SLIT2: variants seen among roughly 807,000 people sequenced by gnomAD.
SLIT2 encodes the protein slit guidance ligand 2, also known as slit homolog 2 protein.
A neutral mutation model predicts 185.7 loss-of-function variants in SLIT2; 41 were observed. The ratio of observed to expected loss-of-function variants is 0.22; its 90% CI spans 0.17 to 0.29. SLIT2 has a LOEUF of 0.29. Among genes scored for constraint, SLIT2 ranks in the 10% least tolerant of loss-of-function variants. The pLI is 1.00. For missense variants in SLIT2, 1,571 were observed against 1,909.0 expected, an observed-to-expected ratio of 0.82 and a Z score of 3.30; for synonymous variants, 693 against 680.2, an observed-to-expected ratio of 1.02 and a Z score of -0.29.
chr4:20,310,227 A>AGGT (rs1252322797), intron 4 of SLIT2, among the ~76,000 whole-genome samples: 2 of 152,084 alleles, frequency 1.3e-5, no homozygotes, highest in African/African-American at 4.8e-5. Context: ...GCTAATTTTC[A>AGGT]GGTTTTTAAC....
intron 4 of SLIT2, among the ~76,000 whole-genome samples, chr4:20,417,782 T>G (rs1449173216): frequency 6.6e-6 from 1 of 151,856 alleles, no homozygotes; most frequent in African/African-American, 2.4e-5. Context: ...CCTCCCAAAG[T>G]GCTGGGATTA....
chr4:20,358,517 G>T lies in SLIT2; in HGVS notation c.395+89636G>T, dbSNP rs937355259. 6.6e-5 allele frequency among the ~76,000 whole-genome samples: 10 copies of T among 152,056 alleles called. No homozygotes were observed. The East Asian group carries it at 1.9e-3, about 29-fold the overall frequency. On this transcript the variant is annotated intron_variant, in intron 4 of 36. Transcript: ENST00000504154. ...ATAAGCTTAAAATGGTTATTTTGAA[G>T]AAATTTTCAAGAAAAATATTAAGGA...
At position 20,572,062 on chromosome 4, in the gene SLIT2, A is replaced by G. The variant is rs573962193; in HGVS notation, c.3088+3058A>G. 3.9e-5 allele frequency among the ~76,000 whole-genome samples: 6 copies of G among 152,334 alleles called. No individual in the cohort carries two copies. In the East Asian group the frequency reaches 9.7e-4, roughly 25 times the overall value. On this transcript the variant is annotated intron_variant, in intron 29 of 36. Coordinates refer to ENST00000504154, the MANE Select transcript of SLIT2 (RefSeq NM_004787.4). The stretch of plus-strand genomic sequence containing the variant: ...ATTTATTAAACATTGTTTAAGCCCT[A>G]TGTGACCAAAATATCACAGTAAGTA...
At chr4:20,341,220 G>A (rs1197378772) in intron 4 of SLIT2, among the ~76,000 whole-genome samples, 1 of 152,190 alleles carries the variant, frequency 6.6e-6, no homozygotes, top group Non-Finnish European at 1.5e-5. Flanking sequence ...ATAGACTTTA[G>A]CAAAGGAGAG....
intron 4 of SLIT2, among the ~76,000 whole-genome samples, chr4:20,272,346 A>G (rs900390556): frequency 3.9e-5 from 6 of 152,072 alleles, no homozygotes; most frequent in African/African-American, 1.4e-4. Flanking sequence ...TCCTCCTCCA[A>G]AATCAAGGTT....
At chr4:20,618,432 T>G (rs1012206734) in intron 36 of SLIT2, among the ~76,000 whole-genome samples, 6 of 152,236 alleles carry the variant, frequency 3.9e-5, no homozygotes, top group Non-Finnish European at 8.8e-5. Flanking sequence ...AACTGCTCCC[T>G]GTGGTAAACA....
intron 12 of SLIT2, 42 bp downstream of exon 12, chr4:20,519,495 T>A (rs373003451): frequency 7.3e-5 from 84 of 1,143,344 alleles, no homozygotes; most frequent in Non-Finnish European, 9.9e-5. Context: ...CCTAATAATA[T>A]ATATTAGCCA....
At chr4:20,503,508 A>G (rs1577801395) in intron 9 of SLIT2, among the ~76,000 whole-genome samples, 1 of 152,028 alleles carries the variant, frequency 6.6e-6, no homozygotes, top group Non-Finnish European at 1.5e-5. Context: ...TGAAAACATA[A>G]TGATAGTGAC....
At chr4:20,494,727 G>T (rs942257705) in intron 9 of SLIT2, among the ~76,000 whole-genome samples, 1 of 150,758 alleles carries the variant, frequency 6.6e-6, no homozygotes, top group South Asian at 2.1e-4. Flanking sequence ...GTAGTGAGCC[G>T]AGATAGCGCC....
intron 9 of SLIT2, among the ~76,000 whole-genome samples, chr4:20,507,789 C>T (rs1719342309): frequency 6.6e-6 from 1 of 151,740 alleles, no homozygotes; most frequent in African/African-American, 2.4e-5. Flanking sequence ...TCACTGAGAG[C>T]TATTAATTTT....
At chr4:20,521,146 T>G (rs1333362733) in intron 12 of SLIT2, among the ~76,000 whole-genome samples, 2 of 152,204 alleles carry the variant, frequency 1.3e-5, no homozygotes, top group Non-Finnish European at 2.9e-5. Flanking sequence ...AGTGTCACCT[T>G]CTTTTTCTTT....
chr4:20,609,492 A>T (rs1336581731), intron 33 of SLIT2, among the ~76,000 whole-genome samples: 1 of 152,206 alleles, frequency 6.6e-6, no homozygotes, highest in African/African-American at 2.4e-5. Flanking sequence ...AAGTACTGAG[A>T]TCCCACCAAG....
rs111731319 is a variant in SLIT2, at chr4:20,268,338, CT to C, written c.324-460del. On this transcript the variant is annotated intron_variant, in intron 3 of 36. Transcript: ENST00000504154. ...AAATCATGCTGACAATTTCTCACAC[CT>C]TTTTTTTTTTTCCTCCCAACTAAAT... Among the ~76,000 whole-genome samples, 312 of 143,828 alleles carry C rather than the reference CT, an allele frequency of 2.2e-3. 2 individuals carry two copies. Among genetic ancestry groups the C allele is most frequent in the South Asian group, 0.016 (72 of 4,552 alleles). The allele number at this position is 143,828 out of a possible 152,430, so 94.4% of individuals were successfully genotyped here.
chr4:20,395,070 C>G (rs1725777223), intron 4 of SLIT2, among the ~76,000 whole-genome samples: 1 of 151,928 alleles, frequency 6.6e-6, no homozygotes. Flanking sequence ...CTCTTTTACT[C>G]TAAGATAAAC....
intron 18 of SLIT2, 35 bp downstream of exon 18, chr4:20,533,750 C>G (rs552205409): frequency 6.3e-7 from 1 of 1,579,142 alleles, no homozygotes; most frequent in Admixed American, 1.8e-5. Flanking sequence ...GTTCTTCTAC[C>G]AAAGGATTGC....
intron 29 of SLIT2, among the ~76,000 whole-genome samples, chr4:20,578,403 C>T (rs1259336698): frequency 1.3e-5 from 2 of 152,250 alleles, no homozygotes; most frequent in East Asian, 3.9e-4. Flanking sequence ...TCAAATCTTT[C>T]TTGAGTTTGA....
In SLIT2 at chr4:20,549,135, A is replaced by G; in HGVS notation, c.2489+7A>G. 6.5e-7 allele frequency: 1 copy of G among 1,537,446 alleles called. No individual in the cohort carries two copies. Among genetic ancestry groups the G allele is most frequent in the South Asian group, 1.1e-5 (1 of 89,150 alleles). On this transcript the variant is annotated splice_region_variant and intron_variant, in intron 24 of 36. Coordinates refer to ENST00000504154, the MANE Select transcript of SLIT2 (RefSeq NM_004787.4). ...TAAAGTCTCTTCGATTACTGTAAGC[A>G]TCTTGTGTTCAACAGAATATCTCTT...
intron 4 of SLIT2, among the ~76,000 whole-genome samples, chr4:20,459,626 G>T (rs1171200637): frequency 6.6e-6 from 1 of 152,024 alleles, no homozygotes; most frequent in Non-Finnish European, 1.5e-5. Context: ...TCTCTGATCC[G>T]TTCATTGAGC....
At chr4:20,549,029 A>T (rs1348017514) in intron 23 of SLIT2, 28 bp from the exon 24 acceptor site, 1 of 1,425,022 alleles carries the variant, frequency 7.0e-7, no homozygotes, top group East Asian at 2.3e-5. Flanking sequence ...TTTCTGAATA[A>T]AACAAATTGA....
Sources: gnomAD v4.1 joint callset for allele counts (sites outside exome capture counted in the v4.1 genomes callset) on GRCh38, gnomAD v4.1.1 for gene constraint, MANE v1.5 for transcripts, NCBI Gene and HGNC (gene_info 2026-07-23, HGNC 2026-07-21) for gene names.